Variants in TNIK observed in about 807,000 individuals in gnomAD.
TNIK encodes the protein TRAF2 and NCK interacting kinase.
Under a neutral mutation model 191.3 loss-of-function variants are expected in TNIK, and 49 were observed. The observed-to-expected ratio is 0.26, with a 90% CI of 0.20 to 0.32. The LOEUF is 0.32. Among genes scored for constraint, TNIK ranks in the 10% least tolerant of loss-of-function variants. The probability of loss-of-function intolerance (pLI) is 1.00; values close to 1 mark genes in which losing one functional copy is unlikely to be tolerated. For missense variants in TNIK, 1,155 were observed against 1,702.3 expected (o/e 0.68, Z 5.66); for synonymous variants, 594 against 600.9 (o/e 0.99, Z 0.17).
intron 2 of TNIK, among the ~76,000 whole-genome samples, chr3:171,362,556 G>T (rs1012690759): frequency 1.3e-5 from 2 of 152,140 alleles, no homozygotes; most frequent in Non-Finnish European, 2.9e-5. Flanking sequence ...GTCATAAAAT[G>T]TTCTATGAAA....
chr3:171,145,510 C>T (rs1287057508), intron 12 of TNIK, among the ~76,000 whole-genome samples: 1 of 152,114 alleles, frequency 6.6e-6, no homozygotes, highest in Non-Finnish European at 1.5e-5. Flanking sequence ...CCTCACGCTA[C>T]CTCTAGGTGG....
At chr3:171,441,730 G>A (rs573058535) in intron 1 of TNIK, among the ~76,000 whole-genome samples, 17 of 149,834 alleles carry the variant, frequency 1.1e-4, no homozygotes, top group Middle Eastern at 3.4e-3. Context: ...TAGCCAAACT[G>A]TTTTTCAAAG....
intron 12 of TNIK, among the ~76,000 whole-genome samples, chr3:171,147,241 T>C (rs1560180741): frequency 6.6e-6 from 1 of 152,158 alleles, no homozygotes. Flanking sequence ...CCTTGGGAAG[T>C]ACCTCAAACC....
chr3:171,347,528 A>G (rs1712437768), intron 2 of TNIK, among the ~76,000 whole-genome samples: 1 of 152,202 alleles, frequency 6.6e-6, no homozygotes, highest in African/African-American at 2.4e-5. Context: ...GGTCACACCT[A>G]CAAAGCAATC....
At chr3:171,084,983 T>A (rs1421091801) in intron 25 of TNIK, 135 bp downstream of exon 25, 1 of 615,150 alleles carries the variant, frequency 1.6e-6, no homozygotes, top group Non-Finnish European at 2.7e-6. Flanking sequence ...ATAATAATTT[T>A]AAAAAGTCTT....
intron 2 of TNIK, among the ~76,000 whole-genome samples, chr3:171,251,447 T>C (rs890916482): frequency 6.6e-6 from 1 of 152,162 alleles, no homozygotes. Context: ...GGTACTGCCA[T>C]AATAGTTATC....
At chr3:171,331,720 T>A (rs1161855944) in intron 2 of TNIK, among the ~76,000 whole-genome samples, 1 of 152,214 alleles carries the variant, frequency 6.6e-6, no homozygotes, top group Non-Finnish European at 1.5e-5. Context: ...CAGTGTTCCA[T>A]CCAGGATGTG....
chr3:171,322,808 TTTGTTGTTGTTA>T (rs1267940923), intron 2 of TNIK, among the ~76,000 whole-genome samples: 6 of 150,824 alleles, frequency 4.0e-5, no homozygotes, highest in African/African-American at 7.3e-5. Context: ...TAGTGTTTTT[TTTGTTGTTGTTA>T]TTATTGTTGT....
At chr3:171,423,860 G>T (rs1724173686) in intron 1 of TNIK, among the ~76,000 whole-genome samples, 1 of 152,138 alleles carries the variant, frequency 6.6e-6, no homozygotes, top group African/African-American at 2.4e-5. Context: ...TTAAATGTTA[G>T]ACCGAAAACC....
chr3:171,284,442 A>G (rs1750800875), intron 2 of TNIK, among the ~76,000 whole-genome samples: 1 of 152,066 alleles, frequency 6.6e-6, no homozygotes. Flanking sequence ...GGGCAGCTCA[A>G]AACAAATTAC....
intron 2 of TNIK, among the ~76,000 whole-genome samples, chr3:171,325,863 T>G (rs942071393): frequency 6.6e-6 from 1 of 152,152 alleles, no homozygotes; most frequent in East Asian, 1.9e-4. Flanking sequence ...ACCTCTTGAA[T>G]GAAAAAGAGA....
intron 2 of TNIK, among the ~76,000 whole-genome samples, chr3:171,354,983 T>C (rs894000304): frequency 1.3e-5 from 2 of 152,216 alleles, no homozygotes; most frequent in African/African-American, 4.8e-5. Flanking sequence ...TTTTTTGTTT[T>C]TGTCTTTTCT....
chr3:171,085,985 G>A (rs1423987161), intron 24 of TNIK, among the ~76,000 whole-genome samples: 1 of 152,120 alleles, frequency 6.6e-6, no homozygotes, highest in African/African-American at 2.4e-5. Flanking sequence ...CAATATCAGG[G>A]TTTTATGTCA....
intron 2 of TNIK, among the ~76,000 whole-genome samples, chr3:171,281,331 C>T (rs1750405029): frequency 6.6e-6 from 1 of 152,220 alleles, no homozygotes; most frequent in African/African-American, 2.4e-5. Context: ...CAAGCTTTGA[C>T]CATATGAGAC....
intron 1 of TNIK, among the ~76,000 whole-genome samples, chr3:171,372,620 T>C (rs985967554): frequency 6.6e-6 from 1 of 152,222 alleles, no homozygotes; most frequent in African/African-American, 2.4e-5. Context: ...CTCCATTGAC[T>C]AGTCACTGCA....
intron 1 of TNIK, among the ~76,000 whole-genome samples, chr3:171,373,894 C>T (rs985640567): frequency 2.0e-5 from 3 of 152,164 alleles, no homozygotes; most frequent in South Asian, 2.1e-4. Context: ...TCTCTGCAGC[C>T]GCAATATGTT....
chr3:171,428,663 C>T (rs1560062352), intron 1 of TNIK, among the ~76,000 whole-genome samples: 1 of 150,678 alleles, frequency 6.6e-6, no homozygotes, highest in Non-Finnish European at 1.5e-5. Flanking sequence ...AAGAGCACTC[C>T]CGCAGGGCAA....
At chr3:171,399,947 C>A (rs1435942841) in intron 1 of TNIK, among the ~76,000 whole-genome samples, 1 of 152,084 alleles carries the variant, frequency 6.6e-6, no homozygotes, top group African/African-American at 2.4e-5. Flanking sequence ...GTTATTATTG[C>A]CGAGCTGTTC....
intron 2 of TNIK, among the ~76,000 whole-genome samples, chr3:171,274,279 C>T (rs79925987): frequency 0.06 from 9,062 of 152,130 alleles, 313 homozygotes; most frequent in Middle Eastern, 0.12. Context: ...GGCTGAAAAG[C>T]AAGGAACATC....
Sources: gnomAD v4.1 joint callset for allele counts (sites outside exome capture counted in the v4.1 genomes callset) on GRCh38, gnomAD v4.1.1 for gene constraint, MANE v1.5 for transcripts, NCBI Gene and HGNC (gene_info 2026-07-23, HGNC 2026-07-21) for gene names.